The following CSGALNACT1 variants were observed in gnomAD, a reference collection of about 807,000 sequenced individuals.
CSGALNACT1 encodes the protein beta4GalNAcT-1.
CSGALNACT1 carries 52 observed loss-of-function variants against 51.0 expected under a neutral mutation model. That is an observed-to-expected ratio of 1.02 (90% CI 0.82 to 1.29). CSGALNACT1 has a LOEUF of 1.29. Among genes scored for constraint, CSGALNACT1 ranks in the 50% most tolerant of loss-of-function variants. The pLI is 0.00. For missense variants in CSGALNACT1, 935 were observed against 679.2 expected, an observed-to-expected ratio of 1.38 and a Z score of -4.19; for synonymous variants, 341 against 254.4, an observed-to-expected ratio of 1.34 and a Z score of -3.24.
intron 1 of CSGALNACT1, among the ~76,000 whole-genome samples, chr8:19,667,251 T>A (rs1251131814): frequency 7.3e-6 from 1 of 137,746 alleles, no homozygotes; most frequent in Non-Finnish European, 1.5e-5. Context: ...CGAAACCCCA[T>A]CTCTACCAAA....
At chr8:19,503,607 G>C (rs2076790789) in intron 4 of CSGALNACT1, among the ~76,000 whole-genome samples, 1 of 151,914 alleles carries the variant, frequency 6.6e-6, no homozygotes, top group African/African-American at 2.4e-5. Flanking sequence ...TTTCCCTGAG[G>C]GTCGGCTAGT....
chr8:19,408,949 A>AACACACACACACACACACACACACAC (rs5889870), intron 8 of CSGALNACT1, among the ~76,000 whole-genome samples: 6,936 of 141,892 alleles, frequency 0.049, 248 homozygotes, highest in Middle Eastern at 0.062. Context: ...TAGATATGAA[A>AACACACACACACACACACACACACAC]ACACACACAC....
At chr8:19,607,150 G>T (rs140831100), upstream of CSGALNACT1, among the ~76,000 whole-genome samples, 1 of 146,194 alleles carries the variant, frequency 6.8e-6, no homozygotes, top group African/African-American at 2.5e-5. Flanking sequence ...GCAAGACTCC[G>T]TCTCAAAAAA....
intron 3 of CSGALNACT1, among the ~76,000 whole-genome samples, chr8:19,526,723 G>A (rs1312394738): frequency 1.3e-5 from 2 of 152,024 alleles, no homozygotes; most frequent in Non-Finnish European, 2.9e-5. Context: ...AAAACATCAC[G>A]TAATTTAATA....
intron 5 of CSGALNACT1, among the ~76,000 whole-genome samples, chr8:19,443,587 T>C (rs2061665055): frequency 6.6e-6 from 1 of 152,138 alleles, no homozygotes; most frequent in African/African-American, 2.4e-5. Flanking sequence ...GATTCCCATT[T>C]ATAAAACCAT....
chr8:19,706,617 A>G (rs2062181651), intron 1 of CSGALNACT1, among the ~76,000 whole-genome samples: 2 of 152,172 alleles, frequency 1.3e-5, no homozygotes, highest in Admixed American at 6.5e-5. Flanking sequence ...GTAAATAGCA[A>G]TAATAAATGT....
intron 3 of CSGALNACT1, among the ~76,000 whole-genome samples, chr8:19,573,264 T>G (rs542969058): frequency 6.6e-6 from 1 of 152,312 alleles, no homozygotes; most frequent in Non-Finnish European, 1.5e-5. Flanking sequence ...AACCAGAATG[T>G]TGAACAAGCA....
intron 1 of CSGALNACT1, among the ~76,000 whole-genome samples, chr8:19,661,282 A>G (rs1381603708): frequency 6.6e-6 from 1 of 152,120 alleles, no homozygotes; most frequent in Non-Finnish European, 1.5e-5. Context: ...CAGCCTTGCA[A>G]TGGCCTGGAA....
At chr8:19,518,070 A>C (rs1045418759) in intron 3 of CSGALNACT1, among the ~76,000 whole-genome samples, 2 of 152,204 alleles carry the variant, frequency 1.3e-5, no homozygotes, top group Non-Finnish European at 2.9e-5. Context: ...GCTTCTAGAG[A>C]AATGCATGCT....
At chr8:19,472,614 C>G (rs1289377616) in intron 4 of CSGALNACT1, among the ~76,000 whole-genome samples, 1 of 152,226 alleles carries the variant, frequency 6.6e-6, no homozygotes, top group African/African-American at 2.4e-5. Flanking sequence ...GAATCTGAGA[C>G]CAATGTCAAA....
chr8:19,729,211 C>T (rs544479476), intron 1 of CSGALNACT1, among the ~76,000 whole-genome samples: 1 of 152,134 alleles, frequency 6.6e-6, no homozygotes, highest in South Asian at 2.1e-4. Context: ...TCTCTGAGCA[C>T]ATTAAACCAA....
chr8:19,510,749 G>A (rs1010507368), intron 3 of CSGALNACT1, among the ~76,000 whole-genome samples: 4 of 152,196 alleles, frequency 2.6e-5, no homozygotes, highest in African/African-American at 9.6e-5. Flanking sequence ...AACGACAGAA[G>A]TTTAAGATAA....
chr8:19,458,682 A>C (rs2064685546), intron 4 of CSGALNACT1, 40 bp from the exon 4 acceptor site: 1 of 1,591,230 alleles, frequency 6.3e-7, no homozygotes, highest in African/African-American at 1.3e-5. Context: ...TCTAAAAATT[A>C]ACCTTGGCTG....
chr8:19,414,403 T>C (rs2056473654), intron 8 of CSGALNACT1, among the ~76,000 whole-genome samples: 1 of 152,230 alleles, frequency 6.6e-6, no homozygotes, highest in South Asian at 2.1e-4. Flanking sequence ...CGTCTAAAGT[T>C]AATGTTTGTT....
At chr8:19,744,367 T>C (rs969085944) in intron 1 of CSGALNACT1, among the ~76,000 whole-genome samples, 1 of 152,354 alleles carries the variant, frequency 6.6e-6, no homozygotes, top group Admixed American at 6.5e-5. Flanking sequence ...TTCAAATAGA[T>C]GGTCTTTGCT....
chr8:19,408,769 G>T, intron 8 of CSGALNACT1, 75 bp from the exon 8 acceptor site: 3 of 1,313,630 alleles, frequency 2.3e-6, no homozygotes, highest in East Asian at 2.3e-5. Context: ...ACTCCTGTGA[G>T]CCACCGTGGA....
At chr8:19,455,264 C>G (rs1054123249) in intron 5 of CSGALNACT1, among the ~76,000 whole-genome samples, 2 of 152,040 alleles carry the variant, frequency 1.3e-5, no homozygotes, top group African/African-American at 2.4e-5. Context: ...AATCTTTAAA[C>G]AAAATATAAA....
In CSGALNACT1 at chr8:19,476,166, A is replaced by G. The variant is rs140657773; in HGVS notation, c.635-17524T>C. Among the ~76,000 whole-genome samples, 309 of 152,360 alleles carry G rather than the reference A, an allele frequency of 2.0e-3. 1 individual carries two copies. The highest frequency in any genetic ancestry group is 7.0e-3 in the African/African-American group (293 of 41,586). ...TGGCCATTTTTCAGATGATAGTTTAAGAAATTTTTTAAAACTTGGCCTATA... is the reference window on the plus strand; with the variant it reads ...TGGCCATTTTTCAGATGATAGTTTAGGAAATTTTTTAAAACTTGGCCTATA... On this transcript the variant is annotated intron_variant, in intron 4 of 9. Transcript: ENST00000454498.
chr8:19,745,958 A>T (rs1426455750), intron 1 of CSGALNACT1, among the ~76,000 whole-genome samples: 1 of 152,118 alleles, frequency 6.6e-6, no homozygotes, highest in African/African-American at 2.4e-5. Context: ...CACTTAGGCA[A>T]TTACGATGGA....
Sources: allele counts gnomAD v4.1 joint callset (sites outside exome capture counted in the v4.1 genomes callset), GRCh38; gene constraint gnomAD v4.1.1; transcripts MANE v1.5; gene names NCBI Gene and HGNC (gene_info 2026-07-23, HGNC 2026-07-21).